ERBB4: variants seen among roughly 807,000 people sequenced by gnomAD.
The protein encoded by ERBB4 is receptor tyrosine-protein kinase erbB-4.
ERBB4 carries 42 observed loss-of-function variants against 158.0 expected under a neutral mutation model. The observed-to-expected ratio is 0.27, with a 90% CI of 0.21 to 0.34. ERBB4 has a LOEUF of 0.34. ERBB4 is among the 10% of genes least tolerant of loss of function. The pLI is 1.00. For synonymous variants in ERBB4, 583 were observed against 558.7 expected (o/e 1.04, Z -0.61); for missense variants, 1,333 against 1,624.1 (o/e 0.82, Z 3.08).
chr2:211,753,066 T>A (rs542803592), intron 4 of ERBB4, among the ~76,000 whole-genome samples: 1 of 152,366 alleles, frequency 6.6e-6, no homozygotes, highest in East Asian at 1.9e-4. Flanking sequence ...GTTTTACTCT[T>A]CAAAATGGTG....
intron 19 of ERBB4, among the ~76,000 whole-genome samples, chr2:211,588,908 T>C (rs1261285580): frequency 1.3e-5 from 2 of 152,136 alleles, no homozygotes; most frequent in African/African-American, 2.4e-5. Flanking sequence ...ACTTAATCTA[T>C]ACCTTTGCAA....
At chr2:212,159,224 G>GTTTGC (rs1485080016) in intron 1 of ERBB4, among the ~76,000 whole-genome samples, 3 of 149,800 alleles carry the variant, frequency 2.0e-5, no homozygotes, top group East Asian at 4.0e-4. Flanking sequence ...GATCATAAGT[G>GTTTGC]TTTGCTGTTT....
At chr2:212,477,625 C>T (rs1689470747) in intron 1 of ERBB4, among the ~76,000 whole-genome samples, 1 of 152,104 alleles carries the variant, frequency 6.6e-6, no homozygotes, top group African/African-American at 2.4e-5. Context: ...GCAATGTTCC[C>T]TTCTTGAATA....
intron 20 of ERBB4, among the ~76,000 whole-genome samples, chr2:211,442,100 T>TTC (rs1348824368): frequency 6.6e-6 from 1 of 152,126 alleles, no homozygotes; most frequent in Non-Finnish European, 1.5e-5. Context: ...GCCCTCCAGC[T>TTC]TCTTTTCTTG....
rs184114918 is a variant in ERBB4 at position 211,445,990 on chromosome 2, G to A, written c.2488-14890C>T. Reference sequence around the variant, plus strand: ...GTAAAGGAAGAGACATTTCCTCTGAGATAGCAACAAAGGAAATGTTGGAAT... The same window carrying A: ...GTAAAGGAAGAGACATTTCCTCTGAAATAGCAACAAAGGAAATGTTGGAAT... On this transcript the variant is annotated intron_variant, in intron 20 of 27. Coordinates refer to ENST00000342788, the MANE Select transcript of ERBB4 (RefSeq NM_005235.3). Among the ~76,000 whole-genome samples the A allele has an allele frequency of 7.6e-4, 115 of 152,310 alleles. 1 individual carries two copies. The highest frequency in any genetic ancestry group is 5.6e-4 in the Non-Finnish European group (38 of 68,016).
chr2:212,100,818 C>T (rs2079062053), intron 2 of ERBB4, among the ~76,000 whole-genome samples: 1 of 152,064 alleles, frequency 6.6e-6, no homozygotes, highest in Non-Finnish European at 1.5e-5. Flanking sequence ...ACAATTTTGG[C>T]AGCATTTAGA....
chr2:211,560,314 G>A (rs1395987583), intron 20 of ERBB4, among the ~76,000 whole-genome samples: 3 of 108,928 alleles, frequency 2.8e-5, no homozygotes, highest in African/African-American at 1.2e-4. Flanking sequence ...CCCTCTTGCT[G>A]CCCAGGCTGC....
intron 2 of ERBB4, among the ~76,000 whole-genome samples, chr2:212,003,788 T>C (rs1434879246): frequency 6.6e-6 from 1 of 152,144 alleles, no homozygotes; most frequent in Non-Finnish European, 1.5e-5. Flanking sequence ...AGTGGTCCAG[T>C]GTGCAGGTTT....
chr2:211,734,470 C>G, intron 5 of ERBB4, among the ~76,000 whole-genome samples: 1 of 152,014 alleles, frequency 6.6e-6, no homozygotes, highest in African/African-American at 2.4e-5. Flanking sequence ...ATCTGACTTA[C>G]AGAAGAATGT....
At chr2:212,386,218 C>T (rs1325592309) in intron 1 of ERBB4, among the ~76,000 whole-genome samples, 1 of 151,836 alleles carries the variant, frequency 6.6e-6, no homozygotes, top group Non-Finnish European at 1.5e-5. Context: ...CAGGTAAACA[C>T]TTATTGCCAA....
intron 1 of ERBB4, among the ~76,000 whole-genome samples, chr2:212,437,763 T>A (rs2092170029): frequency 6.6e-6 from 1 of 152,098 alleles, no homozygotes; most frequent in South Asian, 2.1e-4. Flanking sequence ...TATAGGGTAG[T>A]TTTTGTCCAC....
At chr2:212,372,337 T>A (rs1200828969) in intron 1 of ERBB4, among the ~76,000 whole-genome samples, 1 of 152,180 alleles carries the variant, frequency 6.6e-6, no homozygotes, top group South Asian at 2.1e-4. Flanking sequence ...TATGGAACTA[T>A]AGCACATTTG....
chr2:211,455,017 T>A (rs1267382372), intron 20 of ERBB4, among the ~76,000 whole-genome samples: 1 of 152,286 alleles, frequency 6.6e-6, no homozygotes, highest in African/African-American at 2.4e-5. Context: ...TTTTGCTGAA[T>A]GTATCAGTCT....
At position 212,373,930 on chromosome 2, in the gene ERBB4, C is replaced by CAT. The variant is rs1553627704; in HGVS notation, c.82+164517_82+164518dup. Reference sequence around the variant, plus strand: ...ATGTATATATCCATATATATATATCCATATATATCCATATATATATCATAT... The same window carrying CAT: ...ATGTATATATCCATATATATATATCCATATATATATCCATATATATATCATAT... On this transcript the variant is annotated intron_variant, in intron 1 of 27. Transcript: ENST00000342788. Among the ~76,000 whole-genome samples, 17 of 63,420 alleles carry CAT rather than the reference C, an allele frequency of 2.7e-4. 2 individuals are homozygous for CAT. Among genetic ancestry groups the CAT allele is most frequent in the African/African-American group, 1.5e-3 (14 of 9,264 alleles). 41.6% of individuals were successfully genotyped at this position (63,420 alleles called of 152,430 possible). A position where few individuals can be genotyped will look rare whatever the true frequency, so the allele number is the denominator to read the frequency against.
intron 1 of ERBB4, among the ~76,000 whole-genome samples, chr2:212,497,865 A>T (rs1036332858): frequency 6.6e-6 from 1 of 152,218 alleles, no homozygotes; most frequent in African/African-American, 2.4e-5. Flanking sequence ...TAAAAATTGA[A>T]TAAGTTGTGG....
chr2:211,879,410 G>A (rs941769329), intron 3 of ERBB4, among the ~76,000 whole-genome samples: 6 of 152,112 alleles, frequency 3.9e-5, no homozygotes, highest in African/African-American at 1.4e-4. Flanking sequence ...ATAAAATGAT[G>A]TTTAACCTCA....
chr2:211,671,290 T>C (rs1192449624), intron 14 of ERBB4, among the ~76,000 whole-genome samples: 1 of 152,186 alleles, frequency 6.6e-6, no homozygotes, highest in African/African-American at 2.4e-5. Flanking sequence ...AATTTTCTAA[T>C]ATTTAAAAAC....
intron 25 of ERBB4, among the ~76,000 whole-genome samples, chr2:211,413,730 T>C (rs2063319934): frequency 1.3e-5 from 2 of 152,078 alleles, no homozygotes; most frequent in Non-Finnish European, 2.9e-5. Context: ...GCAGGATTTT[T>C]TTTGCTCCTT....
Position 211,905,744 on chromosome 2 carries a change from G to GTATATATATA in ERBB4, c.421+41676_421+41685dup, listed in dbSNP as rs66837219. On this transcript the variant is annotated intron_variant, in intron 3 of 27. Coordinates refer to ENST00000342788, the MANE Select transcript of ERBB4 (RefSeq NM_005235.3). ...TGTGTGTATGTGTGTGCATGTGTGTGTATATATATATATATATATACTATT... is the reference window on the plus strand; with the variant it reads ...TGTGTGTATGTGTGTGCATGTGTGTGTATATATATATATATATATATATATATATACTATT... 9.6e-4 allele frequency among the ~76,000 whole-genome samples: 115 copies of GTATATATATA among 119,378 alleles called. 3 individuals are homozygous for GTATATATATA. The highest frequency in any genetic ancestry group is 2.7e-3 in the African/African-American group (85 of 31,690). The allele number at this position is 119,378 out of a possible 152,430, so 78.3% of individuals were successfully genotyped here.
Sources: allele counts gnomAD v4.1 joint callset (sites outside exome capture counted in the v4.1 genomes callset), GRCh38; gene constraint gnomAD v4.1.1; transcripts MANE v1.5; gene names NCBI Gene and HGNC (gene_info 2026-07-23, HGNC 2026-07-21).